The following WWC2 variants were observed in gnomAD, a reference collection of about 807,000 sequenced individuals.
WWC2 encodes the protein protein WWC2.
Under a neutral mutation model 138.5 loss-of-function variants are expected in WWC2, and 101 were observed. The ratio of observed to expected loss-of-function variants is 0.73; its 90% CI spans 0.62 to 0.86. The LOEUF (loss-of-function observed/expected upper bound fraction) is 0.86. Ranked by LOEUF, WWC2 falls within the 40% of genes least tolerant of loss-of-function variation. The probability of loss-of-function intolerance (pLI) is 0.00; values close to 1 mark genes in which losing one functional copy is unlikely to be tolerated. For synonymous variants in WWC2, 558 were observed against 538.4 expected (o/e 1.04, Z -0.50); for missense variants, 1,420 against 1,419.4 (o/e 1.00, Z -0.01).
At chr4:183,247,813 TCCC>T (rs1736849452) in intron 6 of WWC2, among the ~76,000 whole-genome samples, 1 of 140,216 alleles carries the variant, frequency 7.1e-6, no homozygotes, top group African/African-American at 2.6e-5. Flanking sequence ...AGTATATATA[TCCC>T]TTTGAGAGAA....
intron 21 of WWC2, among the ~76,000 whole-genome samples, chr4:183,300,680 A>C (rs886946308): frequency 6.6e-6 from 1 of 152,176 alleles, no homozygotes; most frequent in Admixed American, 6.5e-5. Context: ...CATAGAGACA[A>C]ATACAGTCTT....
chr4:183,213,894 A>T (rs1354014652), intron 4 of WWC2, among the ~76,000 whole-genome samples: 1 of 152,030 alleles, frequency 6.6e-6, no homozygotes. Flanking sequence ...AAACTGTCTC[A>T]TGCAAATTAA....
rs1736921909 is a variant in WWC2, at chr4:183,249,983, G to A, written c.943G>A (p.Ala315Thr). 5 of 1,613,476 alleles carry A rather than the reference G, an allele frequency of 3.1e-6. No homozygotes were observed. The highest frequency in any genetic ancestry group is 4.2e-6 in the Non-Finnish European group (5 of 1,179,696). ...CAGGCTAAGCCTACAGTATGAAGAA[G>A]CCAAAAGAAGGTAATGACAGAGAAG... Reference protein sequence around the residue: ...KVRLSLQYEEAKRSMANLKIE... With the variant: ...KVRLSLQYEETKRSMANLKIE... Residue 315 changes from alanine (A) to threonine (T), a missense_variant, in exon 8 of 23, where the codon GCC becomes ACC. Coordinates refer to ENST00000403733, the MANE Select transcript of WWC2 (RefSeq NM_024949.6).
chr4:183,244,378 A>G (rs1374083758), intron 5 of WWC2, among the ~76,000 whole-genome samples: 1 of 152,152 alleles, frequency 6.6e-6, no homozygotes, highest in African/African-American at 2.4e-5. Context: ...GCCTAAGGTG[A>G]CGATGTAAAC....
At position 183,258,968 on chromosome 4, in the gene WWC2, T is replaced by TA. The variant is rs1041582811; in HGVS notation, c.1197-663dup. Among the ~76,000 whole-genome samples, 9 of 62,880 alleles carry TA rather than the reference T, an allele frequency of 1.4e-4. No individual in the cohort carries two copies. The East Asian group carries it at 1.9e-3, about 13-fold the overall frequency. The allele number at this position is 62,880 out of a possible 152,430, so 41.3% of individuals were successfully genotyped here. ...ATACAGTTCTATAATGCTGTACTCT[T>TA]AAAAAAAAGAAAAACTTTTGCAGTT... On this transcript the variant is annotated intron_variant, in intron 9 of 22. Transcript: ENST00000403733.
chr4:183,218,199 G>A (rs546225875), intron 4 of WWC2, among the ~76,000 whole-genome samples: 17 of 152,220 alleles, frequency 1.1e-4, no homozygotes, highest in African/African-American at 4.1e-4. Flanking sequence ...ATAAAAATGG[G>A]CAAGAGACTT....
chr4:183,294,917 A>C (rs1738585296), intron 21 of WWC2, among the ~76,000 whole-genome samples: 1 of 152,196 alleles, frequency 6.6e-6, no homozygotes, highest in Non-Finnish European at 1.5e-5. Context: ...GTAAAGTAGG[A>C]GTCTAGAACC....
chr4:183,113,165 G>C (rs1273740589), intron 1 of WWC2, among the ~76,000 whole-genome samples: 3 of 151,858 alleles, frequency 2.0e-5, no homozygotes, highest in Non-Finnish European at 4.4e-5. Flanking sequence ...TCAGCTACTT[G>C]AGAGGTTGAG....
intron 4 of WWC2, among the ~76,000 whole-genome samples, chr4:183,236,267 A>G (rs1234395583): frequency 6.6e-6 from 1 of 152,202 alleles, no homozygotes; most frequent in African/African-American, 2.4e-5. Context: ...ATTTTGAAAA[A>G]GGAAAAACTT....
chr4:183,150,360 G>A (rs1285553635), intron 1 of WWC2, among the ~76,000 whole-genome samples: 1 of 152,040 alleles, frequency 6.6e-6, no homozygotes, highest in Non-Finnish European at 1.5e-5. Flanking sequence ...GTCATCAGAG[G>A]CCAAGTTCAT....
In WWC2 at chr4:183,253,857, G is replaced by C. The variant is rs536433411; in HGVS notation, c.1054G>C (p.Glu352Gln). ...AAAACTGATGCTGATTAATGAAAAAGAAGAACTTTTGAAAGAGCTTCAGTT... is the reference window on the plus strand; with the variant it reads ...AAAACTGATGCTGATTAATGAAAAACAAGAACTTTTGAAAGAGCTTCAGTT... ...KEKLMLINEKEELLKELQFVT... is the reference protein window; with the variant it reads ...KEKLMLINEKQELLKELQFVT... The change falls in exon 9 of 23, where the codon GAA (glutamate) becomes CAA (glutamine). Residue 352 changes from glutamate (E) to glutamine (Q), a missense_variant. Transcript: ENST00000403733. 1.5e-4 allele frequency: 247 copies of C among 1,613,646 alleles called. No homozygotes were observed. The South Asian group carries it at 2.2e-3, about 14-fold the overall frequency.
chr4:183,169,569 TG>T (rs1734221314), intron 1 of WWC2, among the ~76,000 whole-genome samples: 1 of 152,178 alleles, frequency 6.6e-6, no homozygotes, highest in African/African-American at 2.4e-5. Context: ...CCACTGCACC[TG>T]GCCATGTTTT....
intron 11 of WWC2, among the ~76,000 whole-genome samples, chr4:183,263,854 C>T (rs187158074): frequency 1.2e-4 from 18 of 152,288 alleles, no homozygotes; most frequent in African/African-American, 3.8e-4. Flanking sequence ...CTATCAGGGA[C>T]GTTTGTCATC....
At chr4:183,282,660 T>C (rs1474618426) in intron 17 of WWC2, 48 bp from the exon 18 acceptor site, 1 of 1,536,066 alleles carries the variant, frequency 6.5e-7, no homozygotes, top group Non-Finnish European at 8.8e-7. Flanking sequence ...TGCGTGTTCA[T>C]GGAGCATGCC....
intron 21 of WWC2, among the ~76,000 whole-genome samples, chr4:183,301,830 C>T (rs1187388856): frequency 6.6e-6 from 1 of 152,156 alleles, no homozygotes; most frequent in African/African-American, 2.4e-5. Flanking sequence ...CCAGAGGTTA[C>T]CACTGTTGAC....
chr4:183,254,179 T>G (rs1305118551), intron 9 of WWC2, among the ~76,000 whole-genome samples, 180 bp downstream of exon 9: 1 of 152,222 alleles, frequency 6.6e-6, no homozygotes, highest in Non-Finnish European at 1.5e-5. Context: ...CAGGATAAGT[T>G]CTGTGTTTTA....
At chr4:183,238,487 A>G (rs1736502798) in intron 4 of WWC2, among the ~76,000 whole-genome samples, 1 of 152,212 alleles carries the variant, frequency 6.6e-6, no homozygotes, top group African/African-American at 2.4e-5. Context: ...AGTAAGATTT[A>G]GAAATTCTCA....
chr4:183,215,007 G>T (rs998174709), intron 4 of WWC2, among the ~76,000 whole-genome samples: 1 of 152,172 alleles, frequency 6.6e-6, no homozygotes, highest in South Asian at 2.1e-4. Flanking sequence ...ATTTGGAAAT[G>T]AATTTGTATT....
intron 4 of WWC2, among the ~76,000 whole-genome samples, chr4:183,212,070 C>T (rs1208603859): frequency 6.6e-6 from 1 of 152,176 alleles, no homozygotes; most frequent in Non-Finnish European, 1.5e-5. Context: ...ATCTGCCCAC[C>T]TCAGCCTCCC....
Sources: gnomAD v4.1 joint callset for allele counts (sites outside exome capture counted in the v4.1 genomes callset) on GRCh38, gnomAD v4.1.1 for gene constraint, MANE v1.5 for transcripts, NCBI Gene and HGNC (gene_info 2026-07-23, HGNC 2026-07-21) for gene names.